STK3: variants seen among roughly 807,000 people sequenced by gnomAD.
STK3 encodes serine/threonine-protein kinase 3.
In STK3, 41 loss-of-function variants were observed where a neutral mutation model predicts 58.0. The observed-to-expected ratio is 0.71, with a 90% CI of 0.55 to 0.92. The LOEUF (loss-of-function observed/expected upper bound fraction) is 0.92. Ranked by LOEUF, STK3 falls within the 40% of genes least tolerant of loss-of-function variation. The pLI is 0.00. For missense variants in STK3, 479 were observed against 602.7 expected, an observed-to-expected ratio of 0.79 and a Z score of 2.15; for synonymous variants, 170 against 191.0, an observed-to-expected ratio of 0.89 and a Z score of 0.91.
At chr8:98,683,761 C>G (rs1248109682) in intron 6 of STK3, among the ~76,000 whole-genome samples, 1 of 152,094 alleles carries the variant, frequency 6.6e-6, no homozygotes, top group Non-Finnish European at 1.5e-5. Flanking sequence ...AGGAAGACAT[C>G]ATAATCTACA....
At chr8:98,701,464 A>T (rs2131034960) in intron 6 of STK3, among the ~76,000 whole-genome samples, 1 of 152,068 alleles carries the variant, frequency 6.6e-6, no homozygotes, top group Admixed American at 6.5e-5. Flanking sequence ...CTAAAAATAC[A>T]AAAAATTAGC....
intron 6 of STK3, among the ~76,000 whole-genome samples, chr8:98,656,348 G>T (rs548730909): frequency 9.4e-4 from 143 of 151,936 alleles, no homozygotes; most frequent in Non-Finnish European, 1.7e-3. Flanking sequence ...GGTGGGAGGT[G>T]GGGGGAGGGA....
rs905432584 is a variant in STK3, at chr8:98,696,582, G to C, written c.684+9885C>G. Among the ~76,000 whole-genome samples the C allele has an allele frequency of 1.2e-3, 187 of 152,078 alleles. 1 individual carries two copies. The highest frequency in any genetic ancestry group is 1.5e-3 in the Non-Finnish European group (104 of 68,010). On this transcript the variant is annotated intron_variant, in intron 6 of 10. Transcript: ENST00000419617. ...TTAGCATGAAGCATTGTTGAATTTT[G>C]TCAAAGGCCTTTTCTGCATCTATTG...
intron 1 of STK3, among the ~76,000 whole-genome samples, chr8:98,809,964 G>A (rs1411305501): frequency 2.0e-5 from 3 of 152,200 alleles, no homozygotes; most frequent in Non-Finnish European, 4.4e-5. Flanking sequence ...AGCAGCTTCT[G>A]CTCTGCTTTT....
chr8:98,449,599 G>A (rs1243166781), intron 1 of STK3, among the ~76,000 whole-genome samples: 2 of 152,082 alleles, frequency 1.3e-5, no homozygotes, highest in Non-Finnish European at 2.9e-5. Context: ...GGCAACTTAT[G>A]CTGGCCTTAA....
chr8:98,929,473 G>A (rs960994246), intron 1 of STK3, among the ~76,000 whole-genome samples: 5 of 152,098 alleles, frequency 3.3e-5, no homozygotes, highest in African/African-American at 9.7e-5. Context: ...CCTAGGGAAC[G>A]TGGCGAAACC....
At chr8:98,920,947 A>G (rs1284669250) in intron 1 of STK3, among the ~76,000 whole-genome samples, 1 of 152,256 alleles carries the variant, frequency 6.6e-6, no homozygotes, top group Non-Finnish European at 1.5e-5. Context: ...TCTGTTTGAA[A>G]TACACCCTTG....
intron 6 of STK3, among the ~76,000 whole-genome samples, chr8:98,677,396 G>C (rs566055127): frequency 8.0e-6 from 1 of 125,402 alleles, no homozygotes; most frequent in South Asian, 2.5e-4. Context: ...CTTCATTTCT[G>C]GATCCCCCAG....
chr8:98,662,333 G>T (rs530185534), intron 6 of STK3, among the ~76,000 whole-genome samples: 4 of 152,170 alleles, frequency 2.6e-5, no homozygotes, highest in African/African-American at 9.6e-5. Context: ...TCAAGCAAGT[G>T]GGATCCAGCA....
At chr8:98,779,511 T>C (rs1831943518) in intron 1 of STK3, among the ~76,000 whole-genome samples, 1 of 152,214 alleles carries the variant, frequency 6.6e-6, no homozygotes, top group Non-Finnish European at 1.5e-5. Flanking sequence ...GCAAACTTTG[T>C]TTCATGCAGA....
intron 10 of STK3, among the ~76,000 whole-genome samples, chr8:98,466,255 T>C (rs1186278359): frequency 1.3e-5 from 2 of 152,176 alleles, no homozygotes; most frequent in Non-Finnish European, 2.9e-5. Flanking sequence ...AAAACAACAG[T>C]GGTTAAAGTA....
rs1281208406 is a variant in STK3 at position 98,429,670 on chromosome 8, C to T, written n.483+4457G>A. On this transcript the variant is annotated intron_variant and non_coding_transcript_variant, in intron 3 of 3. Coordinates refer to the STK3 transcript ENST00000517832. The stretch of plus-strand genomic sequence containing the variant: ...TGCATCGTGGGCATAAAATGTTCAC[C>T]TTTTTGCCAGATGAGTACACCCAGA... 4 of 482,604 alleles carry T rather than the reference C, an allele frequency of 8.3e-6. No homozygotes were observed. In the South Asian group the frequency reaches 1.4e-4, roughly 17 times the overall value. The allele number at this position is 482,604 out of a possible 1,614,324, so 29.9% of individuals were successfully genotyped here.
intron 1 of STK3, among the ~76,000 whole-genome samples, chr8:98,799,089 A>G (rs564042417): frequency 1.3e-5 from 2 of 152,308 alleles, no homozygotes. Flanking sequence ...AGTCTATGGC[A>G]TTTTGTTACA....
At chr8:98,878,060 C>CTT (rs59671452) in intron 3 of STK3, among the ~76,000 whole-genome samples, 12 of 138,180 alleles carry the variant, frequency 8.7e-5, no homozygotes, top group South Asian at 2.4e-4. Flanking sequence ...AAAAGAAAAT[C>CTT]TTTTTTTTTT....
intron 1 of STK3, among the ~76,000 whole-genome samples, chr8:98,891,307 C>A (rs1005481210): frequency 2.6e-5 from 4 of 152,336 alleles, no homozygotes; most frequent in Admixed American, 2.6e-4. Context: ...TAAGGCAGAC[C>A]AGGTGCACTT....
chr8:98,802,633 T>C (rs1833631428), intron 1 of STK3, among the ~76,000 whole-genome samples: 1 of 152,188 alleles, frequency 6.6e-6, no homozygotes, highest in Admixed American at 6.5e-5. Context: ...TAAATTGTTC[T>C]TAGAAATAAT....
At chr8:98,613,719 A>T (rs533352940) in intron 6 of STK3, among the ~76,000 whole-genome samples, 3 of 152,116 alleles carry the variant, frequency 2.0e-5, no homozygotes, top group Non-Finnish European at 4.4e-5. Flanking sequence ...ATTAAATGTA[A>T]ATCGCCTAAA....
At chr8:98,439,032 A>G (rs1644134336) in intron 1 of STK3, 1 of 152,050 alleles carries the variant, frequency 6.6e-6, no homozygotes, top group Non-Finnish European at 1.5e-5. Context: ...ACTCCTTCCA[A>G]TTTAAATTCT....
At chr8:98,349,896 G>C in the STK3 span, among the ~76,000 whole-genome samples, 1 of 151,836 alleles carries the variant, frequency 6.6e-6, no homozygotes, top group Non-Finnish European at 1.5e-5. Context: ...AGGCCTCCAG[G>C]CCTGTGATGG....
Sources: allele counts gnomAD v4.1 joint callset (sites outside exome capture counted in the v4.1 genomes callset), GRCh38; gene constraint gnomAD v4.1.1; transcripts MANE v1.5; gene names NCBI Gene and HGNC (gene_info 2026-07-23, HGNC 2026-07-21).